Variants in CFAP95 observed in about 807,000 individuals in gnomAD.
The protein encoded by CFAP95 is cilia- and flagella-associated protein 95.
chr9:69,821,302 TAGAG>T, the CFAP95 span, among the ~76,000 whole-genome samples: 1 of 150,274 alleles, frequency 6.7e-6, no homozygotes, highest in African/African-American at 2.5e-5. Context: ...AAAGGAGAAA[TAGAG>T]AGAGTGGGAG....
chr9:69,823,390 CA>C, the CFAP95 span, among the ~76,000 whole-genome samples: 1 of 152,166 alleles, frequency 6.6e-6, no homozygotes, highest in Admixed American at 6.5e-5. Flanking sequence ...CAAACCGTAT[CA>C]GTAGCTAACA....
chr9:69,868,484 C>A, the CFAP95 span, among the ~76,000 whole-genome samples: 12 of 151,774 alleles, frequency 7.9e-5, no homozygotes. Context: ...ATGGTGAAAC[C>A]CCGTCTCTAT....
chr9:69,827,913 C>T, the CFAP95 span, among the ~76,000 whole-genome samples: 1 of 152,152 alleles, frequency 6.6e-6, no homozygotes, highest in Non-Finnish European at 1.5e-5. Context: ...CTCTCAATGC[C>T]TTGGAAAGAG....
At chr9:69,854,824 T>C in the CFAP95 span, among the ~76,000 whole-genome samples, 2 of 152,218 alleles carry the variant, frequency 1.3e-5, no homozygotes, top group African/African-American at 2.4e-5. Context: ...GTTTCTGTTA[T>C]GAAAGATACA....
chr9:69,829,816 G>A, the CFAP95 span, among the ~76,000 whole-genome samples: 2 of 152,176 alleles, frequency 1.3e-5, no homozygotes, highest in African/African-American at 4.8e-5. Context: ...AGGGTGTTTT[G>A]TGGCACTAGA....
chr9:69,905,300 A>G, the CFAP95 span, among the ~76,000 whole-genome samples: 3 of 152,214 alleles, frequency 2.0e-5, no homozygotes, highest in African/African-American at 7.2e-5. Flanking sequence ...CAGAAATTAG[A>G]TAATCAGTTA....
the CFAP95 span, among the ~76,000 whole-genome samples, chr9:69,836,820 G>A: frequency 2.5e-4 from 37 of 149,894 alleles, 1 homozygote; most frequent in African/African-American, 7.6e-4. Flanking sequence ...ATGCTGGTGC[G>A]CTGCACTCAC....
At chr9:69,863,413 T>C in the CFAP95 span, among the ~76,000 whole-genome samples, 1 of 152,206 alleles carries the variant, frequency 6.6e-6, no homozygotes, top group Non-Finnish European at 1.5e-5. Flanking sequence ...GATGGGAACA[T>C]GAATATAGTT....
the CFAP95 span, among the ~76,000 whole-genome samples, chr9:69,854,954 G>T: frequency 6.6e-6 from 1 of 152,128 alleles, no homozygotes; most frequent in African/African-American, 2.4e-5. Flanking sequence ...TACCCTCAAG[G>T]TTCTCCACTA....
the CFAP95 span, among the ~76,000 whole-genome samples, chr9:69,853,058 A>T: frequency 6.6e-6 from 1 of 152,146 alleles, no homozygotes; most frequent in Non-Finnish European, 1.5e-5. Flanking sequence ...ACGGACCAAT[A>T]CACCTTCCTT....
At chr9:69,875,344 A>G in the CFAP95 span, among the ~76,000 whole-genome samples, 2 of 152,114 alleles carry the variant, frequency 1.3e-5, no homozygotes, top group African/African-American at 2.4e-5. Context: ...AAGATAACTG[A>G]ATGTTTTAAT....
chr9:69,861,133 T>TTTATATA, the CFAP95 span, among the ~76,000 whole-genome samples: 1 of 152,218 alleles, frequency 6.6e-6, no homozygotes. Flanking sequence ...ACAGTAGTCT[T>TTTATATA]GTTGACACTA....
At chr9:69,903,613 T>G in the CFAP95 span, among the ~76,000 whole-genome samples, 1 of 152,202 alleles carries the variant, frequency 6.6e-6, no homozygotes, top group Non-Finnish European at 1.5e-5. Flanking sequence ...CAATTTTAAT[T>G]TTTTAGAGCT....
the CFAP95 span, among the ~76,000 whole-genome samples, chr9:69,883,920 A>T: frequency 6.6e-6 from 1 of 151,780 alleles, no homozygotes; most frequent in Admixed American, 6.6e-5. Flanking sequence ...TTCTTCTACT[A>T]ATTTTGGATT....
At chr9:69,840,332 A>G in the CFAP95 span, among the ~76,000 whole-genome samples, 1 of 152,248 alleles carries the variant, frequency 6.6e-6, no homozygotes, top group Non-Finnish European at 1.5e-5. Flanking sequence ...TGTATATATT[A>G]CATTTTAATC....
chr9:69,883,388 C>T, the CFAP95 span, among the ~76,000 whole-genome samples: 12 of 151,972 alleles, frequency 7.9e-5, no homozygotes, highest in African/African-American at 2.7e-4. Flanking sequence ...TGACATCTCT[C>T]TGGTTGGGGA....
the CFAP95 span, among the ~76,000 whole-genome samples, chr9:69,852,765 C>T: frequency 6.6e-6 from 1 of 152,194 alleles, no homozygotes; most frequent in African/African-American, 2.4e-5. Flanking sequence ...GTGGGAAGGA[C>T]CCAGTGGGAG....
the CFAP95 span, among the ~76,000 whole-genome samples, chr9:69,893,428 T>C: frequency 6.6e-6 from 1 of 152,190 alleles, no homozygotes; most frequent in African/African-American, 2.4e-5. Context: ...CAGAACAGGG[T>C]GAAGATTCTA....
the CFAP95 span, among the ~76,000 whole-genome samples, chr9:69,883,102 A>G: frequency 2.0e-5 from 3 of 152,178 alleles, no homozygotes; most frequent in African/African-American, 7.2e-5. Context: ...GAGATTTTTT[A>G]TCTGTGATCT....
Sources: allele counts gnomAD v4.1 joint callset (sites outside exome capture counted in the v4.1 genomes callset), GRCh38; gene constraint gnomAD v4.1.1; transcripts MANE v1.5; gene names NCBI Gene and HGNC (gene_info 2026-07-23, HGNC 2026-07-21).